Variants in CHST9 observed in about 807,000 individuals in gnomAD.
The protein encoded by CHST9 is carbohydrate sulfotransferase 9.
CHST9 carries 41 observed loss-of-function variants against 44.4 expected under a neutral mutation model. That is an observed-to-expected ratio of 0.92 (90% CI 0.72 to 1.20). The LOEUF (loss-of-function observed/expected upper bound fraction) is 1.20, where lower values mean the gene tolerates loss of function less well. Ranked by LOEUF, CHST9 falls within the 50% of genes most tolerant of loss-of-function variation. The pLI, the probability that CHST9 is intolerant of heterozygous loss-of-function variation, is 0.00. For missense variants in CHST9, 504 were observed against 516.5 expected (o/e 0.98, Z 0.23); for synonymous variants, 171 against 178.4 (o/e 0.96, Z 0.33).
intron 5 of CHST9, among the ~76,000 whole-genome samples, chr18:26,923,604 G>A (rs940565712): frequency 3.9e-5 from 6 of 152,256 alleles, no homozygotes; most frequent in East Asian, 1.9e-4. Flanking sequence ...TATAAAACTT[G>A]AGACTTTGAT....
chr18:27,106,081 A>G (rs1452112094), intron 2 of CHST9, among the ~76,000 whole-genome samples: 1 of 152,200 alleles, frequency 6.6e-6, no homozygotes, highest in African/African-American at 2.4e-5. Flanking sequence ...ATAGTTAGAA[A>G]CTTAAATTTC....
chr18:27,184,884 C>T (rs1237511020), intron 1 of CHST9, among the ~76,000 whole-genome samples: 1 of 152,230 alleles, frequency 6.6e-6, no homozygotes, highest in East Asian at 1.9e-4. Flanking sequence ...AGTCAGGATC[C>T]CCTCCTGCTC....
intron 1 of CHST9, among the ~76,000 whole-genome samples, chr18:27,180,608 A>G (rs919873039): frequency 1.3e-5 from 2 of 152,110 alleles, no homozygotes; most frequent in African/African-American, 4.8e-5. Flanking sequence ...TAACTAATCT[A>G]ACTTTCTAAG....
chr18:27,022,750 A>C (rs1378598897), intron 4 of CHST9, among the ~76,000 whole-genome samples: 3 of 152,310 alleles, frequency 2.0e-5, no homozygotes, highest in African/African-American at 7.2e-5. Context: ...GTTACTGAAT[A>C]TTCTCCCAAC....
chr18:27,184,347 T>A (rs2058938121), intron 1 of CHST9, among the ~76,000 whole-genome samples: 1 of 152,058 alleles, frequency 6.6e-6, no homozygotes, highest in Non-Finnish European at 1.5e-5. Flanking sequence ...TGGAAATAAC[T>A]CCTGACAGAC....
intron 3 of CHST9, among the ~76,000 whole-genome samples, chr18:27,028,418 G>A (rs538598367): frequency 6.6e-6 from 1 of 152,282 alleles, no homozygotes; most frequent in Admixed American, 6.5e-5. Context: ...CCACAGGAGG[G>A]ATCAGGAGTT....
intron 2 of CHST9, among the ~76,000 whole-genome samples, chr18:27,070,836 A>C (rs1313308295): frequency 6.6e-6 from 1 of 152,204 alleles, no homozygotes; most frequent in Non-Finnish European, 1.5e-5. Flanking sequence ...TGTTAGCAGA[A>C]GCTAAATTTT....
At chr18:27,094,996 A>G (rs960038311) in intron 2 of CHST9, among the ~76,000 whole-genome samples, 7 of 152,188 alleles carry the variant, frequency 4.6e-5, no homozygotes, top group African/African-American at 1.7e-4. Flanking sequence ...TCCACACTCT[A>G]TCCACTATAT....
At chr18:26,925,745 T>C (rs112841490) in intron 5 of CHST9, 2 of 152,378 alleles carry the variant, frequency 1.3e-5, no homozygotes, top group African/African-American at 2.4e-5. Flanking sequence ...TGTTGGATTA[T>C]AGGAAATGCC....
Position 27,062,691 on chromosome 18 carries a change from G to A in CHST9, c.122-14188C>T, listed in dbSNP as rs192584232. On this transcript the variant is annotated intron_variant, in intron 2 of 5. Coordinates refer to ENST00000618847, the MANE Select transcript of CHST9 (RefSeq NM_031422.6). ...GTATATACCCAGTAATGGGATGGCT[G>A]GGTCAAATGGTATTTCTAGTTCTAG... 2.9e-3 allele frequency among the ~76,000 whole-genome samples: 445 copies of A among 152,226 alleles called. 5 individuals carry two copies. The highest frequency in any genetic ancestry group is 5.9e-3 in the Admixed American group (90 of 15,296).
rs1442926871 is a variant in CHST9 at position 26,906,759 on chromosome 18, C to T, written c.*9500G>A. On this transcript the variant is annotated 3_prime_UTR_variant, in exon 6 of 6. Transcript: ENST00000618847. ...TAGTACTCAGGGCAGAGCATCTCAT[C>T]TGAGCCAGGCAGAGATGACAAATGC... is the stretch of plus-strand genomic sequence containing the variant. 1.3e-5 allele frequency: 2 copies of T among 152,194 alleles called. No homozygotes were observed. Among genetic ancestry groups the T allele is most frequent in the African/African-American group, 4.8e-5 (2 of 41,436 alleles). 9.4% of individuals were successfully genotyped at this position (152,194 alleles called of 1,614,324 possible).
At chr18:27,173,227 T>C (rs1168785077) in intron 1 of CHST9, among the ~76,000 whole-genome samples, 2 of 152,094 alleles carry the variant, frequency 1.3e-5, no homozygotes, top group Non-Finnish European at 2.9e-5. Flanking sequence ...ACCTGTGTTA[T>C]TAGGCTGTAA....
At chr18:26,978,937 G>A (rs1303748060) in intron 4 of CHST9, among the ~76,000 whole-genome samples, 1 of 152,076 alleles carries the variant, frequency 6.6e-6, no homozygotes, top group African/African-American at 2.4e-5. Flanking sequence ...TAGCCAATAA[G>A]AATTTTCTAG....
chr18:26,950,157 C>G (rs79222454), intron 4 of CHST9, among the ~76,000 whole-genome samples: 1 of 152,172 alleles, frequency 6.6e-6, no homozygotes, highest in Non-Finnish European at 1.5e-5. Flanking sequence ...CCTCAAGGTA[C>G]GGGGAGGAAA....
intron 5 of CHST9, among the ~76,000 whole-genome samples, chr18:26,927,354 A>G (rs2145076065): frequency 6.6e-6 from 1 of 152,198 alleles, no homozygotes; most frequent in African/African-American, 2.4e-5. Flanking sequence ...GAGAAAAGAA[A>G]GAGATACAGA....
rs1161152968 is a variant in CHST9 at position 26,916,331 on chromosome 18, A to G, written c.1260T>C (p.Thr420=). The G allele has an allele frequency of 5.0e-6, 8 of 1,610,980 alleles. No individual in the cohort carries two copies. Among genetic ancestry groups the G allele is most frequent in the Non-Finnish European group, 6.8e-6 (8 of 1,177,468 alleles). Residue 420 remains threonine (T), a synonymous_variant, in exon 6 of 6, where the codon ACT becomes ACC. Coordinates refer to ENST00000618847, the MANE Select transcript of CHST9 (RefSeq NM_031422.6). Reference sequence around the variant, plus strand: ...AAAAGTCATAGATTAATTGTCTCTCAGTTCTAGTCAGATCCTTTAAATACT... The same window carrying G: ...AAAAGTCATAGATTAATTGTCTCTCGGTTCTAGTCAGATCCTTTAAATACT... ...VRQYLKDLTR[T]ERQLIYDFYY... is the part of the protein sequence containing the mutation.
chr18:27,138,565 G>A (rs1022139446), intron 2 of CHST9, among the ~76,000 whole-genome samples: 2 of 152,016 alleles, frequency 1.3e-5, no homozygotes, highest in Non-Finnish European at 2.9e-5. Flanking sequence ...TTCCTGAATT[G>A]TGGCTGAGTT....
At chr18:27,020,579 T>C (rs1398744868) in intron 4 of CHST9, among the ~76,000 whole-genome samples, 1 of 152,224 alleles carries the variant, frequency 6.6e-6, no homozygotes, top group Non-Finnish European at 1.5e-5. Context: ...ATATTCATTA[T>C]CTCCAAAGAT....
chr18:27,078,284 G>A, intron 2 of CHST9, among the ~76,000 whole-genome samples: 1 of 152,022 alleles, frequency 6.6e-6, no homozygotes, highest in Non-Finnish European at 1.5e-5. Flanking sequence ...TCCCAACTGA[G>A]GTTCATTATG....
Sources: gnomAD v4.1 joint callset for allele counts (sites outside exome capture counted in the v4.1 genomes callset) on GRCh38, gnomAD v4.1.1 for gene constraint, MANE v1.5 for transcripts, NCBI Gene and HGNC (gene_info 2026-07-23, HGNC 2026-07-21) for gene names.